SPATA13: variants seen among roughly 807,000 people sequenced by gnomAD.
SPATA13 encodes spermatogenesis associated 13, also known as spermatogenesis-associated protein 13.
A neutral mutation model predicts 104.0 loss-of-function variants in SPATA13; 50 were observed. The ratio of observed to expected loss-of-function variants is 0.48; its 90% CI spans 0.38 to 0.61. SPATA13 has a LOEUF of 0.61. SPATA13 is among the 20% of genes least tolerant of loss of function. The pLI is 0.00. For synonymous variants in SPATA13, 606 were observed against 667.5 expected (o/e 0.91, Z 1.42); for missense variants, 1,524 against 1,690.6 (o/e 0.90, Z 1.73).
chr13:24,008,474 C>T (rs896627097), intron 2 of SPATA13, among the ~76,000 whole-genome samples: 2 of 152,134 alleles, frequency 1.3e-5, no homozygotes, highest in Non-Finnish European at 2.9e-5. Context: ...GAGGGCGGTG[C>T]CCCCAGCCCC....
At chr13:24,065,319 G>A (rs1468284881) in intron 3 of SPATA13, among the ~76,000 whole-genome samples, 3 of 152,134 alleles carry the variant, frequency 2.0e-5, no homozygotes, top group Non-Finnish European at 4.4e-5. Flanking sequence ...GTGTGTGGTG[G>A]AGAAGGTTGT....
intron 7 of SPATA13, among the ~76,000 whole-genome samples, chr13:24,287,380 C>T (rs1430482607): frequency 6.6e-6 from 1 of 152,174 alleles, no homozygotes; most frequent in Admixed American, 6.5e-5. Flanking sequence ...CGAGGCTGGT[C>T]ACGAACTCAT....
intron 2 of SPATA13, among the ~76,000 whole-genome samples, chr13:24,010,030 G>A (rs1194586580): frequency 6.6e-6 from 1 of 152,144 alleles, no homozygotes; most frequent in African/African-American, 2.4e-5. Context: ...CACATTTTAG[G>A]GAGATATGAG....
At chr13:24,123,666 A>T in intron 3 of SPATA13, 3 of 1,591,870 alleles carry the variant, frequency 1.9e-6, no homozygotes, top group Non-Finnish European at 1.7e-6. Flanking sequence ...ATCAAACTTC[A>T]TGCATATATA....
At chr13:24,100,188 C>T (rs1880211034) in intron 3 of SPATA13, among the ~76,000 whole-genome samples, 3 of 151,932 alleles carry the variant, frequency 2.0e-5, no homozygotes, top group Non-Finnish European at 4.4e-5. Flanking sequence ...CTGGGGCAAG[C>T]CCCTGACAAG....
At chr13:24,280,515 C>T (rs1160076864) in intron 4 of SPATA13, among the ~76,000 whole-genome samples, 3 of 149,476 alleles carry the variant, frequency 2.0e-5, no homozygotes, top group Non-Finnish European at 4.4e-5. Context: ...TTGGCTCAAC[C>T]ACGGTTTAAA....
intron 2 of SPATA13, among the ~76,000 whole-genome samples, chr13:23,991,045 G>T (rs1453884322): frequency 2.0e-5 from 3 of 152,212 alleles, no homozygotes; most frequent in Non-Finnish European, 4.4e-5. Context: ...TCAAGGTTAA[G>T]ATCAGGCAGA....
chr13:24,101,441 A>G (rs1017536714), intron 3 of SPATA13, among the ~76,000 whole-genome samples: 3 of 152,068 alleles, frequency 2.0e-5, no homozygotes, highest in Admixed American at 1.3e-4. Flanking sequence ...CTTGTAACCC[A>G]TTTAATACTG....
At chr13:24,017,155 A>G (rs1172578508) in intron 2 of SPATA13, among the ~76,000 whole-genome samples, 1 of 152,226 alleles carries the variant, frequency 6.6e-6, no homozygotes, top group Non-Finnish European at 1.5e-5. Flanking sequence ...CTCCTGAGTT[A>G]CGAATAGAGA....
At chr13:24,035,063 G>T (rs1193772468) in intron 3 of SPATA13, 1 of 152,184 alleles carries the variant, frequency 6.6e-6, no homozygotes, top group African/African-American at 2.4e-5. Context: ...TATCTCAAAA[G>T]ACATGAGTTA....
chr13:24,150,696 C>T (rs535277291), intron 3 of SPATA13, among the ~76,000 whole-genome samples: 1 of 152,240 alleles, frequency 6.6e-6, no homozygotes, highest in South Asian at 2.1e-4. Flanking sequence ...CCACAGCAGG[C>T]TGGGGATTCA....
intron 3 of SPATA13, among the ~76,000 whole-genome samples, chr13:24,075,035 A>G (rs1473350132): frequency 6.6e-6 from 1 of 152,180 alleles, no homozygotes; most frequent in Non-Finnish European, 1.5e-5. Context: ...TGTATGGAAA[A>G]ACCCTTAGGC....
chr13:24,072,613 A>G (rs1323511553), intron 3 of SPATA13, among the ~76,000 whole-genome samples: 2 of 152,058 alleles, frequency 1.3e-5, no homozygotes, highest in Non-Finnish European at 1.5e-5. Context: ...TTCCATTCCC[A>G]TGATTTCATT....
In SPATA13 at chr13:24,051,696, T is replaced by C. The variant is rs1878346422; in HGVS notation, c.-112+33995T>C. On this transcript the variant is annotated intron_variant, in intron 3 of 14. Coordinates refer to the SPATA13 transcript ENST00000424834. The surrounding 1 kb of genome is among the most constrained non-coding windows in gnomAD (Gnocchi z 4.2). ...CTGAGAAGAGATTACACAGAGGAGA[T>C]GATATGAGGCGAATCTTCAGAGGTG... 6.6e-6 allele frequency among the ~76,000 whole-genome samples: 1 copy of C among 152,018 alleles called. No homozygotes were observed. Among genetic ancestry groups the C allele is most frequent in the Admixed American group, 6.5e-5 (1 of 15,272 alleles).
In SPATA13 at chr13:24,224,417, G is replaced by T. The variant is rs761564332; in HGVS notation, c.1488G>T (p.Ala496=). The T allele has an allele frequency of 1.3e-6, 2 of 1,551,616 alleles. No homozygotes were observed. The highest frequency in any genetic ancestry group is 1.4e-5 in the African/African-American group (1 of 73,026). ...ACAGCAATCACAGTGCCCTGTCCGCGAATTCAGAGGAAAGTGAAGGAAGGG... is the reference window on the plus strand; with the variant it reads ...ACAGCAATCACAGTGCCCTGTCCGCTAATTCAGAGGAAAGTGAAGGAAGGG... ...SCHSNHSALS[A]NSEESEGRAE... Residue 496 remains alanine, a synonymous_variant, in exon 2 of 13, where the codon GCG becomes GCT. Coordinates refer to ENST00000382108, the MANE Select transcript of SPATA13 (RefSeq NM_001166271.3).
chr13:24,049,107 G>C (rs1324059504), intron 3 of SPATA13, among the ~76,000 whole-genome samples: 1 of 152,218 alleles, frequency 6.6e-6, no homozygotes, highest in Non-Finnish European at 1.5e-5. Context: ...CCCTGGACAT[G>C]ATGAGGAGCC....
intron 3 of SPATA13, among the ~76,000 whole-genome samples, chr13:24,136,491 G>T (rs1384759663): frequency 6.6e-6 from 1 of 151,418 alleles, no homozygotes; most frequent in Non-Finnish European, 1.5e-5. Flanking sequence ...AGAAAGAGAA[G>T]AAAGAAAGAA....
intron 3 of SPATA13, among the ~76,000 whole-genome samples, chr13:24,141,575 C>G (rs1881762608): frequency 6.6e-6 from 1 of 152,144 alleles, no homozygotes; most frequent in African/African-American, 2.4e-5. Flanking sequence ...TAGAGCTTAT[C>G]CAGATAACAA....
At chr13:24,210,930 A>G (rs934645121) in intron 1 of SPATA13, among the ~76,000 whole-genome samples, 1 of 152,142 alleles carries the variant, frequency 6.6e-6, no homozygotes, top group Non-Finnish European at 1.5e-5. Context: ...TCAATGTTTT[A>G]TAGGTTTCAG....
Sources: gnomAD v4.1 joint callset for allele counts (sites outside exome capture counted in the v4.1 genomes callset) on GRCh38, gnomAD v4.1.1 for gene constraint, Gnocchi (gnomAD v3.1) non-coding constraint, MANE v1.5 for transcripts, NCBI Gene and HGNC (gene_info 2026-07-23, HGNC 2026-07-21) for gene names.